Variants in HTR4 observed in about 807,000 individuals in gnomAD.
HTR4 encodes the protein 5-hydroxytryptamine receptor 4.
Under a neutral mutation model 36.8 loss-of-function variants are expected in HTR4, and 16 were observed. That is an observed-to-expected ratio of 0.43 (90% CI 0.29 to 0.66). HTR4 has a LOEUF of 0.66. Among genes scored for constraint, HTR4 ranks in the 30% least tolerant of loss-of-function variants. The pLI is 0.13. For missense variants in HTR4, 438 were observed against 490.9 expected, an observed-to-expected ratio of 0.89 and a Z score of 1.02; for synonymous variants, 189 against 185.1, an observed-to-expected ratio of 1.02 and a Z score of -0.17.
intron 6 of HTR4, among the ~76,000 whole-genome samples, chr5:148,488,882 G>T (rs928603560): frequency 1.3e-5 from 2 of 152,248 alleles, no homozygotes; most frequent in East Asian, 3.9e-4. Context: ...ATACACCAAA[G>T]TGCGAGATCA....
chr5:148,623,343 G>C (rs1265937702), intron 2 of HTR4, among the ~76,000 whole-genome samples: 1 of 152,078 alleles, frequency 6.6e-6, no homozygotes, highest in African/African-American at 2.4e-5. Flanking sequence ...GGTAGCCAAG[G>C]CCTCTCCACA....
In HTR4 at chr5:148,492,177, G is replaced by A. The variant is rs189742119; in HGVS notation, c.1077-8884C>T. Among the ~76,000 whole-genome samples the A allele has an allele frequency of 5.3e-5, 8 of 152,246 alleles. No individual in the cohort carries two copies. The East Asian group carries it at 9.6e-4, about 18-fold the overall frequency. ...TCTGAGGGCTGGTACACAGAACCTC[G>A]ACACCCTGACAGTGGGTGCACCTAC... On this transcript the variant is annotated intron_variant, in intron 6 of 6. Transcript: ENST00000377888.
downstream of HTR4, among the ~76,000 whole-genome samples, chr5:148,474,300 G>T (rs949032760): frequency 1.3e-5 from 2 of 151,870 alleles, no homozygotes; most frequent in Admixed American, 1.3e-4. Context: ...AAAAGCGATC[G>T]CTATAAGGCT....
chr5:148,569,774 C>T (rs963230210), intron 2 of HTR4, among the ~76,000 whole-genome samples: 3 of 151,806 alleles, frequency 2.0e-5, no homozygotes, highest in Non-Finnish European at 4.4e-5. Flanking sequence ...TGTATGCATA[C>T]ATATACACAT....
chr5:148,593,071 G>A (rs1028712382), intron 2 of HTR4, among the ~76,000 whole-genome samples: 1 of 152,078 alleles, frequency 6.6e-6, no homozygotes, highest in Non-Finnish European at 1.5e-5. Flanking sequence ...CTCTCAAACT[G>A]GTATGCAATC....
chr5:148,539,612 A>G (rs1182298505), intron 4 of HTR4, among the ~76,000 whole-genome samples: 1 of 152,226 alleles, frequency 6.6e-6, no homozygotes, highest in Non-Finnish European at 1.5e-5. Context: ...CAACAAGCAT[A>G]TAAAAAAGAG....
chr5:148,505,004 A>G (rs1003371461), intron 6 of HTR4, among the ~76,000 whole-genome samples: 1 of 152,222 alleles, frequency 6.6e-6, no homozygotes, highest in Non-Finnish European at 1.5e-5. Flanking sequence ...AGTAATTAAT[A>G]GCCTACCAAC....
chr5:148,551,779 G>T (rs1759706047), intron 2 of HTR4, among the ~76,000 whole-genome samples: 1 of 152,130 alleles, frequency 6.6e-6, no homozygotes, highest in Non-Finnish European at 1.5e-5. Flanking sequence ...ATCTCATAAT[G>T]TGTTAAGAAA....
chr5:148,553,731 T>C (rs755690946), intron 2 of HTR4, among the ~76,000 whole-genome samples: 21 of 152,150 alleles, frequency 1.4e-4, no homozygotes, highest in Non-Finnish European at 2.6e-4. Context: ...AAATAACAAG[T>C]GTTGGTGTGA....
intron 2 of HTR4, among the ~76,000 whole-genome samples, chr5:148,564,227 G>A (rs1005761867): frequency 1.8e-4 from 27 of 152,080 alleles, no homozygotes; most frequent in Non-Finnish European, 2.9e-5. Context: ...GATGAGGCAC[G>A]CTTGTTAAAC....
chr5:148,482,936 G>C lies in HTR4; in HGVS notation c.*267C>G. 7.4e-7 allele frequency: 1 copy of C among 1,350,238 alleles called. No individual in the cohort carries two copies. The allele number at this position is 1,350,238 out of a possible 1,614,324, so 83.6% of individuals were successfully genotyped here. On this transcript the variant is annotated 3_prime_UTR_variant, in exon 7 of 7. Coordinates refer to ENST00000377888, the MANE Select transcript of HTR4 (RefSeq NM_000870.7). The stretch of plus-strand genomic sequence containing the variant: ...TGACGGGAACATGTCAGAGACACCA[G>C]AGACCACGCGGCAAAAGCAGAGAAT...
At chr5:148,577,796 A>G (rs1382650583) in intron 2 of HTR4, among the ~76,000 whole-genome samples, 2 of 152,078 alleles carry the variant, frequency 1.3e-5, no homozygotes, top group African/African-American at 4.8e-5. Context: ...AGAAGGAAAC[A>G]AAAGACACTG....
chr5:148,481,570 G>A lies in HTR4; in HGVS notation c.*1633C>T, dbSNP rs988709775. On this transcript the variant is annotated 3_prime_UTR_variant, in exon 7 of 7. Coordinates refer to ENST00000377888, the MANE Select transcript of HTR4 (RefSeq NM_000870.7). ...TCTTTTTCTTTTTGGCATTTGGATG[G>A]TTTGGTCAATCTTCTCTTCCTTATT... 7 of 1,526,556 alleles carry A rather than the reference G, an allele frequency of 4.6e-6. No individual in the cohort carries two copies. In the Admixed American group the frequency reaches 6.1e-5, roughly 13 times the overall value. The allele number at this position is 1,526,556 out of a possible 1,614,324, so 94.6% of individuals were successfully genotyped here. A position where few individuals can be genotyped will look rare whatever the true frequency, so the allele number is the denominator to read the frequency against.
chr5:148,636,890 A>C (rs987990320), intron 2 of HTR4, 99 bp downstream of exon 2: 12 of 716,434 alleles, frequency 1.7e-5, no homozygotes, highest in Non-Finnish European at 4.8e-6. Flanking sequence ...GAAAATCCAC[A>C]TCCATTAACT....
chr5:148,554,606 G>A (rs76912074), intron 2 of HTR4, among the ~76,000 whole-genome samples: 3,942 of 152,208 alleles, frequency 0.026, 72 homozygotes, highest in Middle Eastern at 0.051. Context: ...TGTTTGGAAT[G>A]ATGAAAAAAT....
At chr5:148,653,219 G>T (rs11740488) in intron 1 of HTR4, among the ~76,000 whole-genome samples, 4,099 of 152,256 alleles carry the variant, frequency 0.027, 86 homozygotes, top group South Asian at 0.098. Flanking sequence ...TTTGGTTCAT[G>T]CCAAACCTAT....
chr5:148,654,212 C>A lies in HTR4; in HGVS notation c.-198G>T, dbSNP rs1278307920. On this transcript the variant is annotated 5_prime_UTR_variant, in exon 1 of 7. Coordinates refer to ENST00000377888, the MANE Select transcript of HTR4 (RefSeq NM_000870.7). Reference sequence around the variant, plus strand: ...CGCCCCCTCGGGTGCGGGCTCCAGCCCCCGCGCTGGGGAGCCGGCGAGCGT... The same window carrying A: ...CGCCCCCTCGGGTGCGGGCTCCAGCACCCGCGCTGGGGAGCCGGCGAGCGT... 1.5e-5 allele frequency: 15 copies of A among 985,026 alleles called. No homozygotes were observed. Among genetic ancestry groups the A allele is most frequent in the Non-Finnish European group, 1.8e-5 (15 of 829,834 alleles). The allele number at this position is 985,026 out of a possible 1,614,324, so 61.0% of individuals were successfully genotyped here. A position where few individuals can be genotyped will look rare whatever the true frequency, so the allele number is the denominator to read the frequency against.
chr5:148,549,030 C>T (rs979681838), intron 3 of HTR4, among the ~76,000 whole-genome samples, 162 bp from the exon 4 acceptor site: 1 of 151,982 alleles, frequency 6.6e-6, no homozygotes, highest in Non-Finnish European at 1.5e-5. Context: ...TAGTGTATTC[C>T]GTGAGATTCA....
intron 6 of HTR4, among the ~76,000 whole-genome samples, chr5:148,508,979 C>T (rs1023299238): frequency 9.2e-5 from 14 of 151,840 alleles, no homozygotes; most frequent in Non-Finnish European, 1.9e-4. Flanking sequence ...AGTAGGAGCA[C>T]CGAGAATCAA....
Sources: allele counts gnomAD v4.1 joint callset (sites outside exome capture counted in the v4.1 genomes callset), GRCh38; gene constraint gnomAD v4.1.1; transcripts MANE v1.5; gene names NCBI Gene and HGNC (gene_info 2026-07-23, HGNC 2026-07-21).